The following C12orf42 variants were observed in gnomAD, a reference collection of about 807,000 sequenced individuals.
C12orf42 encodes the protein chromosome 12 open reading frame 42, also known as uncharacterized protein C12orf42.
A neutral mutation model predicts 21.6 loss-of-function variants in C12orf42; 25 were observed. The observed-to-expected ratio is 1.16, with a 90% CI of 0.84 to 1.62. The LOEUF is 1.62. Among genes scored for constraint, C12orf42 ranks in the 40% most tolerant of loss-of-function variants. The probability of loss-of-function intolerance (pLI) is 0.00; values close to 1 mark genes in which losing one functional copy is unlikely to be tolerated. For synonymous variants in C12orf42, 174 were observed against 175.0 expected (o/e 0.99, Z 0.05); for missense variants, 483 against 459.3 (o/e 1.05, Z -0.47).
At chr12:103,342,403 G>A (rs758826271) in intron 4 of C12orf42, among the ~76,000 whole-genome samples, 1 of 152,116 alleles carries the variant, frequency 6.6e-6, no homozygotes, top group African/African-American at 2.4e-5. Flanking sequence ...CAAATAGAGA[G>A]GAGGGATGGA....
intron 2 of C12orf42, among the ~76,000 whole-genome samples, chr12:103,458,961 A>T (rs1039427625): frequency 6.6e-5 from 10 of 152,088 alleles, no homozygotes; most frequent in African/African-American, 2.2e-4. Flanking sequence ...GTGCAAAAAA[A>T]AAAACGTATT....
chr12:103,167,033 T>C, the C12orf42 span, among the ~76,000 whole-genome samples: 6 of 152,230 alleles, frequency 3.9e-5, no homozygotes, highest in Non-Finnish European at 7.3e-5. Flanking sequence ...TGTTCACGCT[T>C]TTGAAATAAA....
chr12:103,423,937 ATTTAT>A (rs762778101), intron 2 of C12orf42, among the ~76,000 whole-genome samples: 4 of 152,252 alleles, frequency 2.6e-5, no homozygotes, highest in Non-Finnish European at 4.4e-5. Flanking sequence ...TAATATAAAA[ATTTAT>A]TCAACTCTAT....
chr12:103,431,390 T>C (rs1029799337), intron 2 of C12orf42: 7 of 152,222 alleles, frequency 4.6e-5, no homozygotes, highest in African/African-American at 1.7e-4. Context: ...GCTAACCTTT[T>C]ATAAAAATTT....
chr12:103,417,273 T>C (rs1566278902), intron 2 of C12orf42, among the ~76,000 whole-genome samples: 2 of 152,182 alleles, frequency 1.3e-5, no homozygotes, highest in Non-Finnish European at 2.9e-5. Flanking sequence ...AACCTAATTA[T>C]CTTGTAGCAC....
intron 3 of C12orf42, among the ~76,000 whole-genome samples, chr12:103,377,582 T>C (rs976298739): frequency 2.0e-5 from 3 of 152,190 alleles, no homozygotes; most frequent in Non-Finnish European, 4.4e-5. Flanking sequence ...AAACCCCCAC[T>C]TGGAATCCCC....
chr12:103,203,325 GTGTTT>G, the C12orf42 span, among the ~76,000 whole-genome samples: 1 of 152,136 alleles, frequency 6.6e-6, no homozygotes, highest in Non-Finnish European at 1.5e-5. Flanking sequence ...AGTTCCTTTA[GTGTTT>G]TGTTTTATTT....
intron 2 of C12orf42, among the ~76,000 whole-genome samples, chr12:103,471,380 G>A (rs951343386): frequency 2.6e-5 from 4 of 151,998 alleles, no homozygotes; most frequent in Non-Finnish European, 4.4e-5. Flanking sequence ...CTCATAATTC[G>A]TACCCACATC....
chr12:103,296,245 T>C (rs2037275317), intron 4 of C12orf42, among the ~76,000 whole-genome samples: 1 of 152,114 alleles, frequency 6.6e-6, no homozygotes, highest in African/African-American at 2.4e-5. Context: ...TGCCACATTT[T>C]CTTAATTCAG....
At chr12:103,222,684 A>G in the C12orf42 span, among the ~76,000 whole-genome samples, 2 of 152,066 alleles carry the variant, frequency 1.3e-5, no homozygotes, top group African/African-American at 2.4e-5. Context: ...ATCTTGAAAT[A>G]CTTTCTATAC....
At chr12:103,178,272 C>T in the C12orf42 span, 5 of 152,284 alleles carry the variant, frequency 3.3e-5, no homozygotes, top group East Asian at 1.9e-4. Context: ...CCACCCCCAA[C>T]TTCTTTTAAT....
chr12:103,245,458 T>C (rs2136180161), intron 10 of C12orf42, among the ~76,000 whole-genome samples: 1 of 152,226 alleles, frequency 6.6e-6, no homozygotes, highest in East Asian at 1.9e-4. Flanking sequence ...TTAACTTTTC[T>C]GAGCTTCACA....
chr12:103,100,355 T>G, the C12orf42 span, among the ~76,000 whole-genome samples: 1 of 152,214 alleles, frequency 6.6e-6, no homozygotes, highest in Non-Finnish European at 1.5e-5. Flanking sequence ...CGGATAAAAC[T>G]GCTGGGCAGG....
chr12:103,489,328 T>C (rs1025613110), intron 1 of C12orf42, among the ~76,000 whole-genome samples: 1 of 152,220 alleles, frequency 6.6e-6, no homozygotes, highest in Non-Finnish European at 1.5e-5. Context: ...GGAAGCTTTA[T>C]CCCAGAGGGG....
the C12orf42 span, among the ~76,000 whole-genome samples, chr12:103,531,463 G>A: frequency 5.9e-5 from 9 of 152,114 alleles, no homozygotes; most frequent in Non-Finnish European, 1.3e-4. Flanking sequence ...ATCAAGGGCT[G>A]TTTCCCTTGA....
At chr12:103,200,603 T>C in the C12orf42 span, among the ~76,000 whole-genome samples, 3 of 152,186 alleles carry the variant, frequency 2.0e-5, no homozygotes, top group Non-Finnish European at 2.9e-5. Context: ...TTCATCAAGT[T>C]GTACACATTA....
At chr12:103,147,493 CTTTT>C in the C12orf42 span, among the ~76,000 whole-genome samples, 1 of 84,990 alleles carries the variant, frequency 1.2e-5, no homozygotes, top group Non-Finnish European at 2.2e-5. Flanking sequence ...TTCTTTTTTT[CTTTT>C]TTTTTCTTTT....
chr12:103,478,806 G>A (rs1954261656), intron 1 of C12orf42, among the ~76,000 whole-genome samples: 2 of 152,112 alleles, frequency 1.3e-5, no homozygotes, highest in South Asian at 4.1e-4. Context: ...CTGTAATGAT[G>A]TCTTTTAAAT....
intron 4 of C12orf42, among the ~76,000 whole-genome samples, chr12:103,325,711 T>C (rs1165084437): frequency 6.6e-6 from 1 of 152,202 alleles, no homozygotes; most frequent in Non-Finnish European, 1.5e-5. Context: ...TTGGCCCCAA[T>C]TCTTCACCCT....
Sources: allele counts gnomAD v4.1 joint callset (sites outside exome capture counted in the v4.1 genomes callset), GRCh38; gene constraint gnomAD v4.1.1; transcripts MANE v1.5; gene names NCBI Gene and HGNC (gene_info 2026-07-23, HGNC 2026-07-21).